Variants in CFAP45 observed in about 807,000 individuals in gnomAD.
The protein encoded by CFAP45 is cilia- and flagella-associated protein 45.
CFAP45 carries 43 observed loss-of-function variants against 75.6 expected under a neutral mutation model. The ratio of observed to expected loss-of-function variants is 0.57; its 90% confidence interval spans 0.45 to 0.73. The LOEUF is 0.73. Among genes scored for constraint, CFAP45 ranks in the 30% least tolerant of loss-of-function variants. The pLI is 0.00. For missense variants in CFAP45, 689 were observed against 701.5 expected (o/e 0.98, Z 0.20); for synonymous variants, 223 against 244.6 (o/e 0.91, Z 0.82).
intron 10 of CFAP45, among the ~76,000 whole-genome samples, chr1:159,875,035 T>C (rs574990483): frequency 7.5e-4 from 114 of 152,250 alleles, no homozygotes; most frequent in African/African-American, 2.6e-3. Context: ...ACACCAAACA[T>C]GGTGGTCACA....
intron 9 of CFAP45, 117 bp downstream of exon 9, chr1:159,877,232 G>A: frequency 1.3e-6 from 1 of 798,118 alleles, no homozygotes; most frequent in Admixed American, 1.7e-5. Flanking sequence ...CTGAAGTCTA[G>A]GTAACTTGCA....
In CFAP45 at chr1:159,872,998, T is replaced by TGGGCCTCCTCTTTGAGGCGCC; in HGVS notation, c.1502_1522dup (p.Arg501_Ala507dup). 6.2e-7 allele frequency: 1 copy of TGGGCCTCCTCTTTGAGGCGCC among 1,614,242 alleles called. No individual in the cohort carries two copies. Among genetic ancestry groups the TGGGCCTCCTCTTTGAGGCGCC allele is most frequent in the Middle Eastern group, 1.6e-4 (1 of 6,062 alleles). On this transcript the variant is annotated inframe_insertion, in exon 11 of 12. Coordinates refer to ENST00000368099, the MANE Select transcript of CFAP45 (RefSeq NM_012337.3). Reference sequence around the variant, plus strand: ...CTCATCGATGCGCTCACGGCGTTTCTGGGCCTCCTCTTTGAGGCGCCGGCC... The same window carrying TGGGCCTCCTCTTTGAGGCGCC: ...CTCATCGATGCGCTCACGGCGTTTCTGGGCCTCCTCTTTGAGGCGCCGGGCCTCCTCTTTGAGGCGCCGGCC...
chr1:159,896,699 G>A (rs941811678), intron 1 of CFAP45, among the ~76,000 whole-genome samples: 4 of 152,194 alleles, frequency 2.6e-5, no homozygotes, highest in African/African-American at 9.7e-5. Context: ...AGGCAGCTGA[G>A]AAGGCAGGGG....
chr1:159,888,601 T>C (rs1189755419), intron 3 of CFAP45, 105 bp from the exon 4 acceptor site: 3 of 1,071,554 alleles, frequency 2.8e-6, no homozygotes, highest in Admixed American at 4.6e-5. Flanking sequence ...GCCAGTGGAC[T>C]CCCCCAATGG....
Position 159,887,830 on chromosome 1 carries a change from G to C in CFAP45, c.588+11C>G. ...GAATGCTCAGAGGGAAGGGAGAGAC[G>C]AAGAGCCCACCTTGCTCATGTCCTT... On this transcript the variant is annotated intron_variant, in intron 5 of 11. Coordinates refer to ENST00000368099, the MANE Select transcript of CFAP45 (RefSeq NM_012337.3). 1 of 1,605,638 alleles carries C rather than the reference G, an allele frequency of 6.2e-7. No homozygotes were observed. The highest frequency in any genetic ancestry group is 8.5e-7 in the Non-Finnish European group (1 of 1,174,878).
At chr1:159,898,406 T>G in intron 1 of CFAP45, 1 of 165,978 alleles carries the variant, frequency 6.0e-6, no homozygotes, top group Non-Finnish European at 1.2e-5. Flanking sequence ...CTACTATCTC[T>G]TCTCATGCCT....
At chr1:159,899,971 C>T (rs1369037700) in intron 1 of CFAP45, 125 bp downstream of exon 1, 3 of 948,618 alleles carry the variant, frequency 3.2e-6, no homozygotes, top group Non-Finnish European at 4.8e-6. Flanking sequence ...TAGAGGTGTT[C>T]TCCTTACTCC....
At position 159,873,170 on chromosome 1, in the gene CFAP45, T is replaced by C. The variant is rs1649321818; in HGVS notation, c.1353-2A>G. 1 of 1,612,732 alleles carries C rather than the reference T, an allele frequency of 6.2e-7. No homozygotes were observed. The highest frequency in any genetic ancestry group is 8.5e-7 in the Non-Finnish European group (1 of 1,179,444). On this transcript the variant is annotated splice_acceptor_variant, in intron 10 of 11. Coordinates refer to ENST00000368099, the MANE Select transcript of CFAP45 (RefSeq NM_012337.3). LOFTEE classifies it high-confidence loss of function. Reference sequence around the variant, plus strand: ...TTCTCAATCTGTTCTCTCTGAGCCCTGGGGGAGGGAAACAGGAATGGAATG... The same window carrying C: ...TTCTCAATCTGTTCTCTCTGAGCCCCGGGGGAGGGAAACAGGAATGGAATG...
intron 5 of CFAP45, 45 bp from the exon 6 acceptor site, chr1:159,886,734 T>G (rs1388871609): frequency 1.3e-6 from 2 of 1,533,116 alleles, no homozygotes; most frequent in African/African-American, 2.7e-5. Flanking sequence ...TAGGGATGTG[T>G]AAGTTTAAGG....
chr1:159,878,028 ATAT>A (rs1243695186), intron 8 of CFAP45, among the ~76,000 whole-genome samples: 1 of 152,220 alleles, frequency 6.6e-6, no homozygotes, highest in East Asian at 1.9e-4. Context: ...CCTGAGACAG[ATAT>A]TATAGATGAG....
chr1:159,883,205 T>C (rs1367239912), intron 7 of CFAP45, among the ~76,000 whole-genome samples: 1 of 152,174 alleles, frequency 6.6e-6, no homozygotes, highest in Admixed American at 6.5e-5. Context: ...GAGGCAATCA[T>C]ACAAATTCAG....
intron 8 of CFAP45, among the ~76,000 whole-genome samples, chr1:159,879,557 T>C (rs1181291535): frequency 1.3e-5 from 2 of 152,202 alleles, no homozygotes; most frequent in Non-Finnish European, 2.9e-5. Flanking sequence ...GTTATGTGAT[T>C]GTTATTATGT....
chr1:159,876,458 G>T, intron 10 of CFAP45, 98 bp downstream of exon 10: 1 of 862,464 alleles, frequency 1.2e-6, no homozygotes. Flanking sequence ...AGATCGACGA[G>T]CATCTGTTAA....
chr1:159,884,693 A>G (rs1371578680), intron 6 of CFAP45, 128 bp from the exon 7 acceptor site: 2 of 941,614 alleles, frequency 2.1e-6, no homozygotes, highest in African/African-American at 1.7e-5. Flanking sequence ...CCCCCTAAAC[A>G]TGAATATGCT....
intron 1 of CFAP45, chr1:159,897,930 A>G: frequency 6.1e-6 from 1 of 164,638 alleles, no homozygotes; most frequent in Non-Finnish European, 1.3e-5. Flanking sequence ...AGAATGTTTC[A>G]CTCAAATTCA....
At position 159,887,924 on chromosome 1, in the gene CFAP45, C is replaced by T; in HGVS notation, c.505G>A (p.Ala169Thr). ...NKKLSDLEEV[A>T]KERAQNLLQR... ...AGGAGGTTCTGGGCCCGTTCCTTGG[C>T]CACCTCCTCCAGGTCACTGAGCTTC... The change falls in exon 5 of 12, where the codon GCC becomes ACC. Residue 169 changes from alanine to threonine, a missense_variant. Transcript: ENST00000368099. 6.2e-7 allele frequency: 1 copy of T among 1,614,238 alleles called. No individual in the cohort carries two copies. Among genetic ancestry groups the T allele is most frequent in the Non-Finnish European group, 8.5e-7 (1 of 1,180,024 alleles).
chr1:159,893,201 C>G lies in CFAP45; in HGVS notation c.108G>C (p.Glu36Asp), dbSNP rs1437616382. 2 of 1,614,028 alleles carry G rather than the reference C, an allele frequency of 1.2e-6. No individual in the cohort carries two copies. The highest frequency in any genetic ancestry group is 1.7e-6 in the Non-Finnish European group (2 of 1,179,936). ...RTKAVSSEVD[E>D]SLFGDIKSPA... is the part of the protein sequence containing the mutation. ...TTACCTTGATATCTCCAAAGAGGCT[C>G]TCATCCACCTCAGAGCTCACGGCTT... is the stretch of plus-strand genomic sequence containing the variant. The change falls in exon 2 of 12, where the codon GAG becomes GAC. Residue 36 changes from glutamate (E) to aspartate (D), a missense_variant. By Grantham distance (45) the Glu-to-Asp change is conservative. Coordinates refer to ENST00000368099, the MANE Select transcript of CFAP45 (RefSeq NM_012337.3).
chr1:159,893,646 C>A (rs886824988), intron 1 of CFAP45, among the ~76,000 whole-genome samples: 2 of 152,034 alleles, frequency 1.3e-5, no homozygotes, highest in Non-Finnish European at 2.9e-5. Context: ...TCAGTGAGTG[C>A]GCAGTTACAG....
intron 8 of CFAP45, among the ~76,000 whole-genome samples, chr1:159,878,753 T>TAAAAACAAAAAAA (rs1649469437): frequency 3.1e-5 from 1 of 32,496 alleles, no homozygotes; most frequent in East Asian, 3.3e-3. Context: ...AGACTACATC[T>TAAAAACAAAAAAA]AAAAAAAAAA....
Sources: allele counts gnomAD v4.1 joint callset (sites outside exome capture counted in the v4.1 genomes callset), GRCh38; gene constraint gnomAD v4.1.1; transcripts MANE v1.5; gene names NCBI Gene and HGNC (gene_info 2026-07-23, HGNC 2026-07-21).